ZNF668: variants seen among roughly 807,000 people sequenced by gnomAD.
ZNF668 encodes zinc finger protein 668.
A neutral mutation model predicts 40.3 loss-of-function variants in ZNF668; 10 were observed. The observed-to-expected ratio is 0.25, with a 90% CI of 0.15 to 0.42. ZNF668 has a LOEUF of 0.42. ZNF668 is among the 10% of genes least tolerant of loss of function. The pLI is 1.00. For missense variants in ZNF668, 749 were observed against 904.6 expected (o/e 0.83, Z 2.21); for synonymous variants, 428 against 384.6 (o/e 1.11, Z -1.32).
chr16:31,072,356 G>A lies in ZNF668; in HGVS notation c.-23+1303C>T, dbSNP rs1024707539. Among the ~76,000 whole-genome samples the A allele has an allele frequency of 7.9e-5, 12 of 152,316 alleles. 1 individual carries two copies. The highest frequency in any genetic ancestry group is 6.5e-4 in the Admixed American group (10 of 15,302). ...CTCCACAGTAGGAGTTTGTGAGAAT[G>A]TCCACCAATAACTGTTTATTAACTA... is the stretch of plus-strand genomic sequence containing the variant. On this transcript the variant is annotated intron_variant, in intron 1 of 2. Transcript: ENST00000300849.
At chr16:31,066,412 C>A in intron 1 of ZNF668, 1 of 981,026 alleles carries the variant, frequency 1.0e-6, no homozygotes, top group South Asian at 4.7e-5. Context: ...TAGGGCTTAG[C>A]CAGGTGTGGT....
intron 2 of ZNF668, 90 bp from the exon 3 acceptor site, chr16:31,062,370 A>G: frequency 6.7e-7 from 1 of 1,485,174 alleles, no homozygotes; most frequent in Non-Finnish European, 8.9e-7. Flanking sequence ...GGGCTCCCCA[A>G]ACGTTCGTGG....
At chr16:31,063,759 A>G (rs1382398909) in intron 2 of ZNF668, 54 bp downstream of exon 2, 2 of 1,461,456 alleles carry the variant, frequency 1.4e-6, no homozygotes, top group Non-Finnish European at 1.8e-6. Context: ...CATTGGCTGC[A>G]GCAACGCTGT....
At chr16:31,066,928 A>C (rs1596756241) in intron 1 of ZNF668, among the ~76,000 whole-genome samples, 1 of 151,912 alleles carries the variant, frequency 6.6e-6, no homozygotes, top group African/African-American at 2.4e-5. Flanking sequence ...AGTGGCTCAC[A>C]CTAGCACTTT....
In ZNF668 at chr16:31,062,091, G is replaced by C; in HGVS notation, c.837C>G (p.Pro279=). ...TGCGGCCGCAGCGCGGGCACAGGAA[G>C]GGCTTCTCCCCCGAGTGCGTGCGCT... The part of the protein sequence containing the change: ...SHERTHSGEK[P]FLCPRCGRMF... The change falls in exon 3 of 3, where the codon CCC becomes CCG. Residue 279 remains proline, a synonymous_variant. Coordinates refer to ENST00000300849, the MANE Select transcript of ZNF668 (RefSeq NM_024706.5). The C allele has an allele frequency of 6.2e-7, 1 of 1,613,764 alleles. No individual in the cohort carries two copies. Among genetic ancestry groups the C allele is most frequent in the Non-Finnish European group, 8.5e-7 (1 of 1,179,808 alleles).
intron 1 of ZNF668, chr16:31,064,733 C>G: frequency 1.2e-5 from 19 of 1,526,226 alleles, no homozygotes; most frequent in Non-Finnish European, 1.6e-5. Flanking sequence ...ACACGTCCCC[C>G]CCCGCCCCCA....
At chr16:31,070,289 C>T (rs969249977) in intron 1 of ZNF668, among the ~76,000 whole-genome samples, 1 of 150,000 alleles carries the variant, frequency 6.7e-6, no homozygotes, top group African/African-American at 2.5e-5. Flanking sequence ...CTCACTGCAA[C>T]CTCCGCCTCC....
At chr16:31,069,662 T>TAAAGAG (rs1208605139) in intron 1 of ZNF668, among the ~76,000 whole-genome samples, 3 of 152,036 alleles carry the variant, frequency 2.0e-5, no homozygotes, top group Non-Finnish European at 4.4e-5. Context: ...CTACTCTTTA[T>TAAAGAG]TATTATTATT....
chr16:31,065,776 C>A (rs2056976978), intron 1 of ZNF668, among the ~76,000 whole-genome samples: 1 of 151,720 alleles, frequency 6.6e-6, no homozygotes, highest in Non-Finnish European at 1.5e-5. Context: ...ATGGTGTGAA[C>A]CTGGGAGGCG....
At chr16:31,068,415 G>C (rs1359470485) in intron 1 of ZNF668, among the ~76,000 whole-genome samples, 1 of 150,434 alleles carries the variant, frequency 6.6e-6, no homozygotes, top group Admixed American at 6.7e-5. Context: ...GTAGAGACGG[G>C]GTTTCACTGT....
intron 1 of ZNF668, among the ~76,000 whole-genome samples, chr16:31,069,572 T>C (rs1402462356): frequency 6.9e-6 from 1 of 145,780 alleles, no homozygotes; most frequent in Non-Finnish European, 1.6e-5. Flanking sequence ...TTCCAAATTT[T>C]TTCCTTTTTT....
chr16:31,071,921 C>T (rs1037717706), intron 1 of ZNF668, among the ~76,000 whole-genome samples: 1 of 152,176 alleles, frequency 6.6e-6, no homozygotes, highest in Non-Finnish European at 1.5e-5. Context: ...GTTCCCTGTC[C>T]ATTCATATAT....
rs1229002896 is a variant in ZNF668 at position 31,074,175 on chromosome 16, C to T, written c.-539G>A. ...GTGGCCAGGGCTGTAGAATCTTTTT[C>T]TCCCTTTCTGCGCCTATTCAATATG... On this transcript the variant is annotated 5_prime_UTR_variant, in exon 1 of 3. Transcript: ENST00000300849. 2.0e-5 allele frequency: 3 copies of T among 152,250 alleles called. No homozygotes were observed. The highest frequency in any genetic ancestry group is 6.5e-5 in the Admixed American group (1 of 15,290). The allele number at this position is 152,250 out of a possible 1,614,324, so 9.4% of individuals were successfully genotyped here.
At position 31,064,006 on chromosome 16, in the gene ZNF668, G is replaced by A. The variant is rs1407532464; in HGVS notation, c.454C>T (p.Leu152Phe). ...CGCTGGTGGATCTTGAGCTTGGAGA[G>A]CGCGCCATAGGCCTTCGGGCAGTGC... is the stretch of plus-strand genomic sequence containing the variant. ...CAHCPKAYGA[L>F]SKLKIHQRGH... The change falls in exon 2 of 3, where the codon CTC becomes TTC. Residue 152 changes from leucine (L) to phenylalanine (F), a missense_variant. Leu to Phe is a conservative substitution (Grantham distance 22). This residue lies in a region of ZNF668 where 151 missense variants were observed against 178.6 expected (regional missense o/e 0.85). Transcript: ENST00000300849. 3 of 1,609,238 alleles carry A rather than the reference G, an allele frequency of 1.9e-6. No individual in the cohort carries two copies. The highest frequency in any genetic ancestry group is 2.5e-6 in the Non-Finnish European group (3 of 1,176,970).
At chr16:31,065,985 A>C in intron 1 of ZNF668, 1 of 980,150 alleles carries the variant, frequency 1.0e-6, no homozygotes, top group Non-Finnish European at 1.2e-6. Flanking sequence ...AAATACAGAG[A>C]CTCAGGGCCC....
In ZNF668 at chr16:31,061,572, C is replaced by T; in HGVS notation, c.1356G>A (p.Leu452=). The part of the protein sequence containing the change: ...SSAAPAAGAG[L]GDPPAGLLGL... ...CTAGCAGCCCTGCTGGAGGGTCCCC[C>T]AGCCCCGCCCCTGCTGCCGGGGCGG... Residue 452 remains leucine, a synonymous_variant, in exon 3 of 3, where the codon CTG becomes CTA. Transcript: ENST00000300849. The surrounding 1 kb of genome is among the most constrained non-coding windows in gnomAD (Gnocchi z 7.7). 6.2e-7 allele frequency: 1 copy of T among 1,608,944 alleles called. No individual in the cohort carries two copies. The highest frequency in any genetic ancestry group is 8.5e-7 in the Non-Finnish European group (1 of 1,179,708).
chr16:31,066,359 C>A (rs1230947762), intron 1 of ZNF668: 7 of 985,278 alleles, frequency 7.1e-6, no homozygotes, highest in Non-Finnish European at 8.4e-6. Context: ...CACAAAACTC[C>A]ATCTTATTCT....
chr16:31,062,446 C>T (rs1207373775), intron 2 of ZNF668, 166 bp from the exon 3 acceptor site: 2 of 972,578 alleles, frequency 2.1e-6, no homozygotes, highest in Admixed American at 3.0e-5. Context: ...TTCAGGCTGG[C>T]TGGGTGTCTC....
chr16:31,070,589 G>A (rs571487510), intron 1 of ZNF668, among the ~76,000 whole-genome samples: 1 of 151,648 alleles, frequency 6.6e-6, no homozygotes, highest in East Asian at 1.9e-4. Flanking sequence ...TGCCAAGGCT[G>A]GAGTGCAATG....
Sources: allele counts gnomAD v4.1 joint callset (sites outside exome capture counted in the v4.1 genomes callset), GRCh38; gene constraint gnomAD v4.1.1; regional missense constraint gnomAD v4.1.1; non-coding constraint Gnocchi (gnomAD v3.1); transcripts MANE v1.5; gene names NCBI Gene and HGNC (gene_info 2026-07-23, HGNC 2026-07-21).